The following ARB2A variants were observed in gnomAD, a reference collection of about 807,000 sequenced individuals.
The protein encoded by ARB2A is cotranscriptional regulator ARB2A.
At chr5:93,864,928 C>T in the ARB2A span, among the ~76,000 whole-genome samples, 1 of 152,118 alleles carries the variant, frequency 6.6e-6, no homozygotes, top group African/African-American at 2.4e-5. Flanking sequence ...TCTGGCTTTT[C>T]TATCTCTATT....
the ARB2A span, among the ~76,000 whole-genome samples, chr5:94,063,902 C>T: frequency 1.6e-4 from 25 of 152,164 alleles, 1 homozygote; most frequent in South Asian, 5.2e-3. Context: ...TTGATTCTCA[C>T]ACCAGATACC....
At chr5:94,093,453 G>GA in the ARB2A span, among the ~76,000 whole-genome samples, 16 of 152,266 alleles carry the variant, frequency 1.1e-4, no homozygotes, top group South Asian at 3.1e-3. Flanking sequence ...TCTTACTGGA[G>GA]AAAGGGAGAG....
At chr5:93,933,362 T>C in the ARB2A span, among the ~76,000 whole-genome samples, 46 of 152,270 alleles carry the variant, frequency 3.0e-4, no homozygotes, top group Non-Finnish European at 2.4e-4. Flanking sequence ...CCTATGTTTA[T>C]TGCAGCACTA....
At chr5:94,038,951 C>T in the ARB2A span, among the ~76,000 whole-genome samples, 3 of 152,100 alleles carry the variant, frequency 2.0e-5, no homozygotes, top group Admixed American at 6.6e-5. Flanking sequence ...TTTCCACTAT[C>T]CTCTGTATAC....
the ARB2A span, among the ~76,000 whole-genome samples, chr5:93,989,563 G>T: frequency 6.6e-6 from 1 of 151,924 alleles, no homozygotes; most frequent in African/African-American, 2.4e-5. Flanking sequence ...TATATACTAC[G>T]GATCCTTTCC....
At chr5:93,868,864 AC>A in the ARB2A span, among the ~76,000 whole-genome samples, 1 of 152,238 alleles carries the variant, frequency 6.6e-6, no homozygotes, top group East Asian at 1.9e-4. Flanking sequence ...TGCCTTACCA[AC>A]CAAGGAAACT....
chr5:93,913,807 T>C, the ARB2A span, among the ~76,000 whole-genome samples: 5 of 152,144 alleles, frequency 3.3e-5, no homozygotes, highest in South Asian at 1.0e-3. Context: ...ACAAATTTTA[T>C]GCTAAAGCTA....
At chr5:93,806,875 T>C in the ARB2A span, among the ~76,000 whole-genome samples, 3 of 152,080 alleles carry the variant, frequency 2.0e-5, no homozygotes, top group South Asian at 4.1e-4. Flanking sequence ...TAGTGACCTG[T>C]TAAAAAACAG....
the ARB2A span, among the ~76,000 whole-genome samples, chr5:93,826,387 G>T: frequency 6.6e-6 from 1 of 152,114 alleles, no homozygotes; most frequent in African/African-American, 2.4e-5. Flanking sequence ...TTGCCATCTA[G>T]AAGTTAGTTC....
chr5:93,947,352 C>A, the ARB2A span, among the ~76,000 whole-genome samples: 1 of 152,174 alleles, frequency 6.6e-6, no homozygotes, highest in African/African-American at 2.4e-5. Context: ...TCTGGGTCTC[C>A]TATTTCCCAA....
the ARB2A span, among the ~76,000 whole-genome samples, chr5:94,077,671 A>G: frequency 2.6e-5 from 4 of 152,230 alleles, no homozygotes; most frequent in Non-Finnish European, 5.9e-5. Context: ...ATATATATTA[A>G]TACATGCACT....
the ARB2A span, among the ~76,000 whole-genome samples, chr5:93,657,548 C>T: frequency 1.3e-5 from 2 of 152,118 alleles, no homozygotes. Context: ...ACAGGTTATG[C>T]CATAACCTTA....
At chr5:93,625,762 G>T in the ARB2A span, among the ~76,000 whole-genome samples, 4 of 152,156 alleles carry the variant, frequency 2.6e-5, no homozygotes, top group Admixed American at 1.3e-4. Context: ...ACATATTTAA[G>T]AAAAAGTGCC....
At chr5:94,088,586 C>G in the ARB2A span, among the ~76,000 whole-genome samples, 1 of 152,084 alleles carries the variant, frequency 6.6e-6, no homozygotes, top group South Asian at 2.1e-4. Context: ...GAGGGTGAGG[C>G]AGCAGATATC....
the ARB2A span, among the ~76,000 whole-genome samples, chr5:94,099,649 A>C: frequency 2.0e-5 from 3 of 151,018 alleles, no homozygotes; most frequent in Non-Finnish European, 4.4e-5. Context: ...AAAAAAAAAA[A>C]AACCGAAAAT....
At chr5:93,909,677 A>G in the ARB2A span, among the ~76,000 whole-genome samples, 1 of 150,890 alleles carries the variant, frequency 6.6e-6, no homozygotes, top group Non-Finnish European at 1.5e-5. Flanking sequence ...GCCTAAAATA[A>G]TCCTCTTGAA....
chr5:93,910,609 A>G, the ARB2A span: 6 of 151,456 alleles, frequency 4.0e-5, no homozygotes, highest in African/African-American at 9.7e-5. Context: ...TTCACAAGAC[A>G]TATCTGACCT....
the ARB2A span, among the ~76,000 whole-genome samples, chr5:93,851,816 G>GT: frequency 6.6e-6 from 1 of 152,090 alleles, no homozygotes; most frequent in Non-Finnish European, 1.5e-5. Flanking sequence ...GTATTCCATG[G>GT]TGTATATATG....
chr5:93,869,388 A>G, the ARB2A span, among the ~76,000 whole-genome samples: 1 of 152,166 alleles, frequency 6.6e-6, no homozygotes, highest in East Asian at 1.9e-4. Context: ...AAAAAATGTT[A>G]CCTTAGACAA....
Sources: gnomAD v4.1 joint callset for allele counts (sites outside exome capture counted in the v4.1 genomes callset) on GRCh38, gnomAD v4.1.1 for gene constraint, MANE v1.5 for transcripts, NCBI Gene and HGNC (gene_info 2026-07-23, HGNC 2026-07-21) for gene names.